SLC9A7: variants seen among roughly 807,000 people sequenced by gnomAD.
SLC9A7 encodes solute carrier family 9 member A7.
SLC9A7 carries 19 observed loss-of-function variants against 52.6 expected under a neutral mutation model. The observed-to-expected ratio is 0.36, with a 90% CI of 0.25 to 0.53. The LOEUF is 0.53. Ranked by LOEUF, SLC9A7 falls within the 20% of genes least tolerant of loss-of-function variation. SLC9A7 has a pLI of 0.91. For synonymous variants in SLC9A7, 226 were observed against 252.1 expected (o/e 0.90, Z 0.98); for missense variants, 455 against 597.9 (o/e 0.76, Z 2.49).
At chrX:46,640,947 T>C (rs770105330) in intron 12 of SLC9A7, among the ~76,000 whole-genome samples, 2 of 112,210 alleles carry the variant, frequency 1.8e-5, no homozygotes, top group South Asian at 7.3e-4. Context: ...GAATGTACAA[T>C]GGTACAGCCA....
At chrX:46,652,898 A>G (rs771642133) in intron 8 of SLC9A7, among the ~76,000 whole-genome samples, 9 of 112,216 alleles carry the variant, frequency 8.0e-5, no homozygotes, top group African/African-American at 2.3e-4. Flanking sequence ...CCGTGTTCAC[A>G]CTCATCTGAG....
At chrX:46,742,543 A>G (rs1390659260) in intron 1 of SLC9A7, among the ~76,000 whole-genome samples, 1 of 111,857 alleles carries the variant, frequency 8.9e-6, no homozygotes, top group East Asian at 2.8e-4. Flanking sequence ...CATTTATATG[A>G]CATATTTGAA....
At chrX:46,654,377 C>T (rs1386779409) in intron 7 of SLC9A7, among the ~76,000 whole-genome samples, 2 of 107,987 alleles carry the variant, frequency 1.9e-5, no homozygotes, top group African/African-American at 6.8e-5. Flanking sequence ...AGTGAGACTC[C>T]GTCAAAAAAA....
chrX:46,654,012 C>T, intron 7 of SLC9A7, among the ~76,000 whole-genome samples: 1 of 111,215 alleles, frequency 9.0e-6, no homozygotes, highest in Non-Finnish European at 1.9e-5. Context: ...GAGATGGCTA[C>T]ATGACATTGT....
intron 1 of SLC9A7, among the ~76,000 whole-genome samples, chrX:46,733,874 T>A (rs1194007175): frequency 9.1e-6 from 1 of 110,320 alleles, no homozygotes; most frequent in Non-Finnish European, 1.9e-5. Flanking sequence ...AATAGCAAAA[T>A]TGCAGATATA....
intron 8 of SLC9A7, 51 bp from the exon 9 acceptor site, chrX:46,651,455 GAA>G: frequency 1.1e-6 from 1 of 896,993 alleles, no homozygotes; most frequent in South Asian, 2.3e-5. Context: ...AGAGGCAGGG[GAA>G]AAAAAAAACC....
At chrX:46,661,956 T>C in intron 7 of SLC9A7, 60 bp downstream of exon 7, 1 of 1,034,419 alleles carries the variant, frequency 9.7e-7, no homozygotes, top group East Asian at 3.5e-5. Flanking sequence ...AACTTTCTTT[T>C]TGAAAGTGTA....
intron 14 of SLC9A7, among the ~76,000 whole-genome samples, chrX:46,624,213 A>C (rs1458973871): frequency 1.3e-5 from 1 of 79,749 alleles, no homozygotes; most frequent in Non-Finnish European, 2.2e-5. Context: ...CAAATTATCG[A>C]ACCTGAGGAG....
intron 1 of SLC9A7, among the ~76,000 whole-genome samples, chrX:46,730,707 T>A (rs1261527691): frequency 1.4e-5 from 1 of 70,735 alleles, no homozygotes; most frequent in African/African-American, 5.0e-5. Flanking sequence ...TATATATATA[T>A]ATAAAATGGA....
In SLC9A7 at chrX:46,613,317, C is replaced by A; in HGVS notation, c.1901G>T (p.Arg634Leu). 1.7e-6 allele frequency: 2 copies of A among 1,207,869 alleles called. No individual in the cohort carries two copies. The highest frequency in any genetic ancestry group is 2.2e-6 in the Non-Finnish European group (2 of 893,280). ...GTACACCTGGGGACTGGTCAGACATCGAGCTAGTAAGCCACACCAGGCGGG... is the reference window on the plus strand; with the variant it reads ...GTACACCTGGGGACTGGTCAGACATAGAGCTAGTAAGCCACACCAGGCGGG... ...TLPAWCGLLA[R>L]CLTSPQVYDN... is the part of the protein sequence containing the mutation. The change falls in exon 16 of 17, where the codon CGA becomes CTA. Residue 634 changes from arginine to leucine, a missense_variant. Transcript: ENST00000616978.
At chrX:46,732,754 A>G (rs1285416881) in intron 1 of SLC9A7, among the ~76,000 whole-genome samples, 1 of 111,564 alleles carries the variant, frequency 9.0e-6, no homozygotes, top group African/African-American at 3.3e-5. Context: ...CTACAAATAC[A>G]CCCGCACATA....
chrX:46,668,968 C>T (rs572463833), intron 5 of SLC9A7, among the ~76,000 whole-genome samples: 1 of 110,478 alleles, frequency 9.1e-6, no homozygotes, highest in African/African-American at 3.3e-5. Flanking sequence ...GAGATCGAGA[C>T]CATCCTGGCT....
intron 11 of SLC9A7, among the ~76,000 whole-genome samples, chrX:46,645,784 G>C (rs931025106): frequency 9.0e-6 from 1 of 111,167 alleles, no homozygotes. Flanking sequence ...ACGTGATCAA[G>C]AGGCACTTCA....
intron 10 of SLC9A7, among the ~76,000 whole-genome samples, chrX:46,650,214 G>A (rs1943559622): frequency 9.0e-6 from 1 of 111,273 alleles, no homozygotes; most frequent in South Asian, 3.8e-4. Context: ...ATAATCATGA[G>A]GCCTCAGAAA....
intron 1 of SLC9A7, chrX:46,725,271 A>C: frequency 8.8e-7 from 1 of 1,140,110 alleles, no homozygotes; most frequent in Non-Finnish European, 1.2e-6. Context: ...TGTCTCATAC[A>C]AATAAGAACT....
At chrX:46,652,644 CT>C (rs1461455792) in intron 8 of SLC9A7, among the ~76,000 whole-genome samples, 2 of 112,234 alleles carry the variant, frequency 1.8e-5, no homozygotes, top group East Asian at 5.5e-4. Flanking sequence ...TTTTGTAATG[CT>C]GCATATAAAG....
chrX:46,641,730 T>C (rs1407358777), intron 12 of SLC9A7, among the ~76,000 whole-genome samples: 4 of 111,666 alleles, frequency 3.6e-5, no homozygotes, highest in Non-Finnish European at 7.5e-5. Flanking sequence ...ACAGGCAGTA[T>C]AGCACAGTGG....
At chrX:46,712,494 C>A (rs916107521) in intron 1 of SLC9A7, among the ~76,000 whole-genome samples, 1 of 111,321 alleles carries the variant, frequency 9.0e-6, no homozygotes, top group Non-Finnish European at 1.9e-5. Context: ...AGGGATCCAC[C>A]CCCATTAATC....
chrX:46,694,884 T>C (rs1243551540), intron 1 of SLC9A7, among the ~76,000 whole-genome samples: 1 of 112,122 alleles, frequency 8.9e-6, no homozygotes, highest in Non-Finnish European at 1.9e-5. Context: ...ATCCATACAG[T>C]AGAAAAAGGA....
Sources: gnomAD v4.1 joint callset for allele counts (sites outside exome capture counted in the v4.1 genomes callset) on GRCh38, gnomAD v4.1.1 for gene constraint, MANE v1.5 for transcripts, NCBI Gene and HGNC (gene_info 2026-07-23, HGNC 2026-07-21) for gene names.